FAM110B: variants seen among roughly 807,000 people sequenced by gnomAD.
FAM110B encodes family with sequence similarity 110 member B, also known as protein FAM110B.
A neutral mutation model predicts 20.4 loss-of-function variants in FAM110B; 6 were observed. The ratio of observed to expected loss-of-function variants is 0.29; its 90% confidence interval spans 0.16 to 0.58. FAM110B has a LOEUF of 0.58. Ranked by LOEUF, FAM110B falls within the 20% of genes least tolerant of loss-of-function variation. The pLI is 0.90. For missense variants in FAM110B, 434 were observed against 498.2 expected (o/e 0.87, Z 1.23); for synonymous variants, 226 against 214.1 (o/e 1.06, Z -0.49).
intron 3 of FAM110B, among the ~76,000 whole-genome samples, chr8:58,093,864 T>G (rs755468522): frequency 3.9e-5 from 6 of 152,218 alleles, no homozygotes; most frequent in African/African-American, 9.6e-5. Flanking sequence ...ACGATATTGA[T>G]TCTTCCTATC....
At chr8:58,142,017 G>A (rs1362556735) in intron 3 of FAM110B, among the ~76,000 whole-genome samples, 1 of 152,324 alleles carries the variant, frequency 6.6e-6, no homozygotes, top group East Asian at 1.9e-4. Context: ...TAGTTCAGCT[G>A]AGGGTCCTGT....
intron 1 of FAM110B, among the ~76,000 whole-genome samples, chr8:57,999,874 A>AG (rs1804258125): frequency 6.6e-6 from 1 of 152,316 alleles, no homozygotes; most frequent in Non-Finnish European, 1.5e-5. Flanking sequence ...AGTGAAAAGA[A>AG]GGCAACATGT....
At chr8:58,027,994 G>A (rs538840995) in intron 1 of FAM110B, among the ~76,000 whole-genome samples, 4 of 152,192 alleles carry the variant, frequency 2.6e-5, no homozygotes, top group Non-Finnish European at 4.4e-5. Context: ...CATATCGTAC[G>A]TGCTTAACTT....
At chr8:58,095,233 C>T (rs1232379388) in intron 3 of FAM110B, among the ~76,000 whole-genome samples, 1 of 152,046 alleles carries the variant, frequency 6.6e-6, no homozygotes, top group Non-Finnish European at 1.5e-5. Flanking sequence ...TTTTTCGTGC[C>T]TCTGTCTCCT....
intron 3 of FAM110B, among the ~76,000 whole-genome samples, chr8:58,118,031 A>G (rs1807260360): frequency 6.6e-6 from 1 of 152,196 alleles, no homozygotes; most frequent in Non-Finnish European, 1.5e-5. Flanking sequence ...CTAGAGTAAC[A>G]TCTTTGGATG....
intron 3 of FAM110B, among the ~76,000 whole-genome samples, chr8:58,115,006 T>A (rs1807164752): frequency 8.0e-6 from 1 of 124,612 alleles, no homozygotes; most frequent in South Asian, 2.3e-4. Context: ...ATTGGAAAGT[T>A]GTTTTTTTTT....
At chr8:58,103,927 A>T (rs1294139353) in intron 3 of FAM110B, among the ~76,000 whole-genome samples, 2 of 152,334 alleles carry the variant, frequency 1.3e-5, no homozygotes, top group Non-Finnish European at 1.5e-5. Flanking sequence ...GTCCCATAGT[A>T]GCTGGAACTC....
chr8:58,054,893 A>T (rs910821774), intron 2 of FAM110B, among the ~76,000 whole-genome samples: 1 of 150,494 alleles, frequency 6.6e-6, no homozygotes, highest in Non-Finnish European at 1.5e-5. Flanking sequence ...ATTTCATAGC[A>T]CTTTCTCAGG....
chr8:58,124,209 T>C (rs1807435730), intron 3 of FAM110B, among the ~76,000 whole-genome samples: 1 of 152,204 alleles, frequency 6.6e-6, no homozygotes, highest in South Asian at 2.1e-4. Context: ...TGGCAGAACA[T>C]TCAGTACTGG....
chr8:57,995,258 C>T lies in FAM110B; in HGVS notation c.-512+452C>T, dbSNP rs188887718. 2.4e-3 allele frequency among the ~76,000 whole-genome samples: 365 copies of T among 152,182 alleles called. 2 individuals are homozygous for T. Among genetic ancestry groups the T allele is most frequent in the African/African-American group, 8.5e-3 (353 of 41,540 alleles). On this transcript the variant is annotated intron_variant, in intron 1 of 3. Coordinates refer to ENST00000519262, the MANE Select transcript of FAM110B (RefSeq NM_001377989.1). Reference sequence around the variant, plus strand: ...TACGAAGGATGGGGACTCCGCTCGGCCACCGCTCCTGAATGGTCTCTAATC... The same window carrying T: ...TACGAAGGATGGGGACTCCGCTCGGTCACCGCTCCTGAATGGTCTCTAATC...
intron 1 of FAM110B, among the ~76,000 whole-genome samples, chr8:58,019,160 C>T (rs1804693423): frequency 6.6e-6 from 1 of 151,430 alleles, no homozygotes; most frequent in African/African-American, 2.4e-5. Context: ...CGTGGTGAAA[C>T]CCCATCTACA....
At chr8:58,119,001 A>C (rs1807287069) in intron 3 of FAM110B, among the ~76,000 whole-genome samples, 1 of 152,212 alleles carries the variant, frequency 6.6e-6, no homozygotes, top group African/African-American at 2.4e-5. Context: ...TGAAGAAATG[A>C]GATAATGGCA....
intron 1 of FAM110B, among the ~76,000 whole-genome samples, chr8:58,026,667 TC>T (rs1804861558): frequency 2.6e-5 from 4 of 152,162 alleles, no homozygotes; most frequent in Admixed American, 2.6e-4. Context: ...CCAGGATAGT[TC>T]CCAGAGCAGT....
chr8:58,136,650 A>G (rs1803624970), intron 3 of FAM110B, among the ~76,000 whole-genome samples: 1 of 152,192 alleles, frequency 6.6e-6, no homozygotes, highest in Non-Finnish European at 1.5e-5. Flanking sequence ...CTGTAATCCC[A>G]GGTAAAAGGC....
chr8:58,087,334 A>G (rs1806362599), intron 3 of FAM110B, among the ~76,000 whole-genome samples: 1 of 152,172 alleles, frequency 6.6e-6, no homozygotes, highest in African/African-American at 2.4e-5. Flanking sequence ...CTTCGCTTCC[A>G]GTTCTCTGAT....
intron 2 of FAM110B, among the ~76,000 whole-genome samples, chr8:58,053,105 G>T (rs1180772312): frequency 6.6e-6 from 1 of 152,154 alleles, no homozygotes; most frequent in African/African-American, 2.4e-5. Flanking sequence ...GACTCTTACT[G>T]CTGTGATTAG....
chr8:58,147,009 A>C lies in FAM110B; in HGVS notation c.779A>C (p.Lys260Thr), dbSNP rs1439245144. The C allele has an allele frequency of 8.1e-6, 13 of 1,614,118 alleles. No homozygotes were observed. Among genetic ancestry groups the C allele is most frequent in the Non-Finnish European group, 1.1e-5 (13 of 1,180,056 alleles). ...VSRRPSLQRS[K>T]SDLSDRYFRV... ...CGAAGACCCTCCCTCCAGCGGTCTAAGTCAGACTTGAGTGACAGATATTTC... is the reference window on the plus strand; with the variant it reads ...CGAAGACCCTCCCTCCAGCGGTCTACGTCAGACTTGAGTGACAGATATTTC... Residue 260 changes from lysine (K) to threonine (T), a missense_variant, in exon 4 of 4, where the codon AAG becomes ACG. This residue lies in a region of FAM110B where 284 missense variants were observed against 278.3 expected (regional missense o/e 1.02). Transcript: ENST00000519262.
chr8:58,103,693 A>G (rs532052655), intron 3 of FAM110B, among the ~76,000 whole-genome samples: 3 of 152,300 alleles, frequency 2.0e-5, no homozygotes, highest in African/African-American at 7.2e-5. Flanking sequence ...TCCATACAGC[A>G]TATGTGAATA....
rs376530994 is a variant in FAM110B at position 58,146,023 on chromosome 8, G to A, written c.-208G>A. The A allele has an allele frequency of 7.3e-4, 390 of 533,982 alleles. 2 individuals are homozygous for A. In the East Asian group the frequency reaches 9.7e-3, roughly 13 times the overall value. The allele number at this position is 533,982 out of a possible 1,614,324, so 33.1% of individuals were successfully genotyped here. On this transcript the variant is annotated 5_prime_UTR_variant, in exon 4 of 4. Transcript: ENST00000519262. ...GTGGCTTGTGGCCTTTTTGTGCAAG[G>A]GCCGCCTGGAAGGGGAGAAAAGTGT...
Sources: allele counts gnomAD v4.1 joint callset (sites outside exome capture counted in the v4.1 genomes callset), GRCh38; gene constraint gnomAD v4.1.1; regional missense constraint gnomAD v4.1.1; transcripts MANE v1.5; gene names NCBI Gene and HGNC (gene_info 2026-07-23, HGNC 2026-07-21).